UBE2O: variants seen among roughly 807,000 people sequenced by gnomAD.
The protein encoded by UBE2O is (E3-independent) E2 ubiquitin-conjugating enzyme.
UBE2O carries 15 observed loss-of-function variants against 125.8 expected under a neutral mutation model. That is an observed-to-expected ratio of 0.12 (90% confidence interval 0.08 to 0.18). UBE2O has a LOEUF of 0.18. Among genes scored for constraint, UBE2O ranks in the 10% least tolerant of loss-of-function variants. UBE2O has a pLI of 1.00. For synonymous variants in UBE2O, 708 were observed against 703.2 expected (o/e 1.01, Z -0.11); for missense variants, 1,280 against 1,723.6 (o/e 0.74, Z 4.56).
chr17:76,432,530 T>C (rs2072922221), intron 1 of UBE2O, among the ~76,000 whole-genome samples: 1 of 152,150 alleles, frequency 6.6e-6, no homozygotes, highest in African/African-American at 2.4e-5. Flanking sequence ...ATTACATCTG[T>C]GTTCCTGGAA....
chr17:76,436,329 C>T (rs1190090505), intron 1 of UBE2O, among the ~76,000 whole-genome samples: 6 of 152,022 alleles, frequency 3.9e-5, no homozygotes, highest in South Asian at 2.1e-4. Context: ...AAGTTATCCC[C>T]GAGTGGTAGA....
At chr17:76,439,036 C>T (rs1009374403) in intron 1 of UBE2O, among the ~76,000 whole-genome samples, 5 of 152,164 alleles carry the variant, frequency 3.3e-5, no homozygotes, top group African/African-American at 1.2e-4. Flanking sequence ...ATGTAAAAAA[C>T]AAATCCCAAC....
intron 1 of UBE2O, among the ~76,000 whole-genome samples, chr17:76,407,233 G>T (rs1453962958): frequency 6.6e-6 from 1 of 152,194 alleles, no homozygotes; most frequent in East Asian, 1.9e-4. Flanking sequence ...CCTGTGAGCT[G>T]CAGGGTGAAG....
chr17:76,447,910 C>G (rs530325440), intron 1 of UBE2O, among the ~76,000 whole-genome samples: 1 of 152,206 alleles, frequency 6.6e-6, no homozygotes, highest in Non-Finnish European at 1.5e-5. Flanking sequence ...TGCTAATAAC[C>G]AAGTGGCCAT....
chr17:76,432,780 T>C (rs2072925563), intron 1 of UBE2O, among the ~76,000 whole-genome samples: 1 of 152,170 alleles, frequency 6.6e-6, no homozygotes. Flanking sequence ...CAGGACTTAT[T>C]TGAATAAACA....
At chr17:76,421,173 G>A (rs899990746) in intron 1 of UBE2O, among the ~76,000 whole-genome samples, 2 of 152,118 alleles carry the variant, frequency 1.3e-5, no homozygotes, top group African/African-American at 4.8e-5. Context: ...GACAGGAAAT[G>A]GGAAACTCAC....
At chr17:76,411,482 T>C (rs1478337676) in intron 1 of UBE2O, among the ~76,000 whole-genome samples, 1 of 152,086 alleles carries the variant, frequency 6.6e-6, no homozygotes, top group Non-Finnish European at 1.5e-5. Context: ...AAAGGGGAGC[T>C]GGAAGAAGTC....
rs1180899364 is a variant in UBE2O, at chr17:76,425,445, CAAAT to C, written c.418-19877_418-19874del. Among the ~76,000 whole-genome samples, 3 of 152,064 alleles carry C rather than the reference CAAAT, an allele frequency of 2.0e-5. No homozygotes were observed. The East Asian group carries it at 5.8e-4, about 29-fold the overall frequency. Reference sequence around the variant, plus strand: ...CCCTCTCAACTGTGCTCTTTTGAAGCAAATACTTTTTAATTTTTTAGCTGTTTGA... The same window carrying C: ...CCCTCTCAACTGTGCTCTTTTGAAGCACTTTTTAATTTTTTAGCTGTTTGA... On this transcript the variant is annotated intron_variant, in intron 1 of 17. Coordinates refer to ENST00000319380, the MANE Select transcript of UBE2O (RefSeq NM_022066.4).
intron 13 of UBE2O, among the ~76,000 whole-genome samples, chr17:76,397,377 C>T (rs761546526): frequency 3.9e-5 from 6 of 152,168 alleles, no homozygotes; most frequent in African/African-American, 1.4e-4. Context: ...AAGGAGAGCC[C>T]GTGTAGCCCT....
intron 3 of UBE2O, among the ~76,000 whole-genome samples, chr17:76,403,093 C>A (rs892188697): frequency 8.5e-5 from 13 of 152,216 alleles, no homozygotes; most frequent in African/African-American, 2.9e-4. Context: ...ATGGACAGTG[C>A]TCTGAGTAAA....
intron 15 of UBE2O, among the ~76,000 whole-genome samples, chr17:76,394,552 G>A (rs1020097172): frequency 2.0e-5 from 3 of 152,350 alleles, no homozygotes; most frequent in African/African-American, 7.2e-5. Context: ...TAGAGATGAT[G>A]TGTACGACGA....
Position 76,452,612 on chromosome 17 carries a change from C to A in UBE2O, c.417+113G>T. ...CTCCACTGGGGCTGTCCTCCCGCGT[C>A]GGCCACTGCAGTGGCACCGCTCCGG... On this transcript the variant is annotated intron_variant, in intron 1 of 17. Transcript: ENST00000319380. The surrounding 1 kb of genome is among the most constrained non-coding windows in gnomAD (Gnocchi z 4.4). 2 of 1,002,470 alleles carry A rather than the reference C, an allele frequency of 2.0e-6. No individual in the cohort carries two copies. The highest frequency in any genetic ancestry group is 1.3e-6 in the Non-Finnish European group (1 of 763,754). 62.1% of individuals were successfully genotyped at this position (1,002,470 alleles called of 1,614,324 possible). A position where few individuals can be genotyped will look rare whatever the true frequency, so the allele number is the denominator to read the frequency against.
chr17:76,422,284 A>G (rs1211784192), intron 1 of UBE2O, among the ~76,000 whole-genome samples: 1 of 152,116 alleles, frequency 6.6e-6, no homozygotes, highest in Non-Finnish European at 1.5e-5. Context: ...ACACGGGGAG[A>G]GGGCATGGGC....
Position 76,418,726 on chromosome 17 carries a change from C to T in UBE2O, c.418-13154G>A, listed in dbSNP as rs377689096. ...CTGGGACTACAGGCACCCGCCACCA[C>T]GCCCGGCTAACTTTTTGTATTTTTA... is the stretch of plus-strand genomic sequence containing the variant. On this transcript the variant is annotated intron_variant, in intron 1 of 17. Coordinates refer to ENST00000319380, the MANE Select transcript of UBE2O (RefSeq NM_022066.4). Among the ~76,000 whole-genome samples, 27 of 152,210 alleles carry T rather than the reference C, an allele frequency of 1.8e-4. No homozygotes were observed. The South Asian group carries it at 5.6e-3, about 32-fold the overall frequency.
chr17:76,398,541 A>G lies in UBE2O; in HGVS notation c.1827T>C (p.Ser609=), dbSNP rs773592316. 1.2e-6 allele frequency: 2 copies of G among 1,614,118 alleles called. No individual in the cohort carries two copies. Among genetic ancestry groups the G allele is most frequent in the Non-Finnish European group, 1.7e-6 (2 of 1,180,020 alleles). ...TGCAGGTACGGCCGATGTGGTCCCC[A>G]GACTGTACCACACCGTAGACAGCAG... ...PDPAVYGVVQ[S]GDHIGRTCMV... Residue 609 remains serine, a synonymous_variant, in exon 11 of 18, where the codon TCT becomes TCC. Transcript: ENST00000319380. This position sits in a 1 kb window ranked among gnomAD's most constrained non-coding sequence, Gnocchi z 5.4.
At chr17:76,435,489 C>A (rs1016864615) in intron 1 of UBE2O, among the ~76,000 whole-genome samples, 2 of 150,354 alleles carry the variant, frequency 1.3e-5, no homozygotes, top group South Asian at 2.1e-4. Context: ...GTTGGCCTTA[C>A]GAGGCAGACA....
At position 76,391,222 on chromosome 17, in the gene UBE2O, G is replaced by A. The variant is rs2072106785; in HGVS notation, c.3600C>T (p.Asp1200=). ...PAPGEASQGS[D]SEGGAQGLAS... ...CCAGGCCCTGGGCACCGCCCTCTGA[G>A]TCTGAGCCCTGGGAGGCCTCTCCTG... The change falls in exon 18 of 18, where the codon GAC becomes GAT. Residue 1200 remains aspartate, a synonymous_variant. Transcript: ENST00000319380. This position sits in a 1 kb window ranked among gnomAD's most constrained non-coding sequence, Gnocchi z 8.4. The A allele has an allele frequency of 1.9e-6, 3 of 1,613,354 alleles. No homozygotes were observed. The highest frequency in any genetic ancestry group is 1.1e-5 in the South Asian group (1 of 91,076).
intron 13 of UBE2O, 35 bp downstream of exon 13, chr17:76,397,764 A>C: frequency 6.2e-7 from 1 of 1,608,470 alleles, no homozygotes; most frequent in Non-Finnish European, 8.5e-7. Flanking sequence ...TGCCATAGTC[A>C]CAAGCTCAGC....
intron 1 of UBE2O, among the ~76,000 whole-genome samples, chr17:76,433,633 C>T (rs776986203): frequency 1.3e-5 from 2 of 149,788 alleles, no homozygotes; most frequent in Admixed American, 6.7e-5. Context: ...GATGGGGTCT[C>T]GATCGCTTGA....
Sources: allele counts gnomAD v4.1 joint callset (sites outside exome capture counted in the v4.1 genomes callset), GRCh38; gene constraint gnomAD v4.1.1; non-coding constraint Gnocchi (gnomAD v3.1); transcripts MANE v1.5; gene names NCBI Gene and HGNC (gene_info 2026-07-23, HGNC 2026-07-21).